The following RBMS2 variants were observed in gnomAD, a reference collection of about 807,000 sequenced individuals.
RBMS2 encodes RNA binding motif single stranded interacting protein 2.
A neutral mutation model predicts 58.4 loss-of-function variants in RBMS2; 38 were observed. The ratio of observed to expected loss-of-function variants is 0.65; its 90% confidence interval spans 0.50 to 0.85. The LOEUF (loss-of-function observed/expected upper bound fraction) is 0.85. Among genes scored for constraint, RBMS2 ranks in the 40% least tolerant of loss-of-function variants. RBMS2 has a pLI of 0.00. For missense variants in RBMS2, 367 were observed against 503.7 expected, an observed-to-expected ratio of 0.73 and a Z score of 2.60; for synonymous variants, 151 against 180.7, an observed-to-expected ratio of 0.84 and a Z score of 1.32.
At chr12:56,529,105 A>G (rs1334083741) in intron 1 of RBMS2, among the ~76,000 whole-genome samples, 1 of 152,166 alleles carries the variant, frequency 6.6e-6, no homozygotes, top group African/African-American at 2.4e-5. Flanking sequence ...AAATGGAAAC[A>G]TATGTTACAC....
intron 3 of RBMS2, among the ~76,000 whole-genome samples, chr12:56,569,512 T>A (rs1021878735): frequency 2.0e-5 from 3 of 152,086 alleles, no homozygotes; most frequent in African/African-American, 7.2e-5. Context: ...AGGTGGCTGG[T>A]GGTCTGCTCT....
intron 1 of RBMS2, 56 bp from the exon 2 acceptor site, chr12:56,562,361 A>G: frequency 1.3e-6 from 2 of 1,489,388 alleles, no homozygotes; most frequent in Non-Finnish European, 1.9e-6. Context: ...GATCTTCCTC[A>G]CTCTCCAACA....
intron 1 of RBMS2, among the ~76,000 whole-genome samples, chr12:56,543,607 C>T (rs1189608775): frequency 6.6e-6 from 1 of 150,576 alleles, no homozygotes; most frequent in South Asian, 2.1e-4. Context: ...CCCGCCTCGG[C>T]CTCCCAAAGT....
At chr12:56,585,118 C>T (rs948245507) in intron 9 of RBMS2, among the ~76,000 whole-genome samples, 8 of 152,112 alleles carry the variant, frequency 5.3e-5, no homozygotes, top group Non-Finnish European at 7.4e-5. Context: ...CCACTGCGCC[C>T]GGCTAAATTT....
intron 1 of RBMS2, among the ~76,000 whole-genome samples, chr12:56,538,013 CTTATT>C (rs1174608895): frequency 9.8e-5 from 13 of 132,848 alleles, no homozygotes; most frequent in South Asian, 2.4e-4. Flanking sequence ...AAGTCCTTTG[CTTATT>C]TTATTTTATT....
chr12:56,536,264 C>G (rs1360150371), intron 1 of RBMS2, among the ~76,000 whole-genome samples: 1 of 149,628 alleles, frequency 6.7e-6, no homozygotes, highest in Non-Finnish European at 1.5e-5. Flanking sequence ...AGGCAGAGTA[C>G]CTGAGGTCAG....
chr12:56,567,888 C>T (rs1367074119), intron 2 of RBMS2, among the ~76,000 whole-genome samples: 1 of 152,064 alleles, frequency 6.6e-6, no homozygotes, highest in Non-Finnish European at 1.5e-5. Context: ...CTCCCTAACA[C>T]TCTCAAATCT....
At chr12:56,554,234 A>G (rs1466134383) in intron 1 of RBMS2, among the ~76,000 whole-genome samples, 3 of 152,116 alleles carry the variant, frequency 2.0e-5, no homozygotes, top group African/African-American at 4.8e-5. Context: ...TGTTTCCCCT[A>G]TCAGCTGTCA....
rs772526682 is a variant in RBMS2, at chr12:56,562,575, G to C, written c.225G>C (p.Leu75=). ...PGTTDQDLVK[L]CQPYGKIVST... ...CTACTGACCAAGATCTTGTCAAGCT[G>C]TGTCAGCCGTAAGTTGGAGTACATG... The change falls in exon 2 of 14, where the codon CTG becomes CTC. Residue 75 remains leucine (L), a synonymous_variant. Transcript: ENST00000262031. The C allele has an allele frequency of 6.2e-7, 1 of 1,613,562 alleles. No individual in the cohort carries two copies. Among genetic ancestry groups the C allele is most frequent in the Non-Finnish European group, 8.5e-7 (1 of 1,179,486 alleles).
In RBMS2 at chr12:56,522,814, G is replaced by C. The variant is rs898729131; in HGVS notation, c.66+725G>C. On this transcript the variant is annotated intron_variant, in intron 1 of 13. Coordinates refer to ENST00000262031, the MANE Select transcript of RBMS2 (RefSeq NM_002898.4). ...GTCCTTGGGCACATGGGGAGAGATG[G>C]ACAATCTTGTCCATATTTGACAAGG... Among the ~76,000 whole-genome samples, 8 of 152,284 alleles carry C rather than the reference G, an allele frequency of 5.3e-5. No homozygotes were observed. In the East Asian group the frequency reaches 9.6e-4, roughly 18 times the overall value.
At chr12:56,560,507 A>G (rs1194672341) in intron 1 of RBMS2, among the ~76,000 whole-genome samples, 2 of 148,260 alleles carry the variant, frequency 1.3e-5, no homozygotes, top group Non-Finnish European at 3.0e-5. Flanking sequence ...ACCCACCTCG[A>G]CCTCCCAAAG....
intron 1 of RBMS2, among the ~76,000 whole-genome samples, chr12:56,534,049 TAATCTAG>T (rs1054780260): frequency 5.3e-5 from 8 of 152,190 alleles, no homozygotes; most frequent in African/African-American, 1.4e-4. Context: ...TGAACCCGGG[TAATCTAG>T]TTCCAAATCT....
At chr12:56,587,989 G>A (rs1884909338) in intron 11 of RBMS2, among the ~76,000 whole-genome samples, 1 of 152,160 alleles carries the variant, frequency 6.6e-6, no homozygotes, top group South Asian at 2.1e-4. Context: ...AGCTCATTAG[G>A]TTTCTTTTAG....
At chr12:56,555,004 T>C (rs1878969161) in intron 1 of RBMS2, among the ~76,000 whole-genome samples, 1 of 151,926 alleles carries the variant, frequency 6.6e-6, no homozygotes, top group African/African-American at 2.4e-5. Context: ...TCCTTGTACA[T>C]ATATATTTGT....
intron 5 of RBMS2, among the ~76,000 whole-genome samples, chr12:56,574,146 A>G (rs1236138797): frequency 1.3e-5 from 2 of 152,270 alleles, no homozygotes; most frequent in East Asian, 3.9e-4. Flanking sequence ...CAGCCAGTCC[A>G]CACAACTTTT....
At chr12:56,546,936 A>G (rs1473628948) in intron 1 of RBMS2, among the ~76,000 whole-genome samples, 1 of 152,154 alleles carries the variant, frequency 6.6e-6, no homozygotes, top group African/African-American at 2.4e-5. Context: ...CCAGTTTCCA[A>G]TTTCTTTACA....
At chr12:56,524,422 CTT>C (rs35748039) in intron 1 of RBMS2, among the ~76,000 whole-genome samples, 85 of 145,204 alleles carry the variant, frequency 5.9e-4, no homozygotes, top group Non-Finnish European at 5.3e-4. Flanking sequence ...TTTATTTTTA[CTT>C]TTTTTTTTTT....
At chr12:56,586,191 G>T (rs1230028233) in intron 9 of RBMS2, among the ~76,000 whole-genome samples, 1 of 152,152 alleles carries the variant, frequency 6.6e-6, no homozygotes, top group African/African-American at 2.4e-5. Flanking sequence ...AATTAGCCGG[G>T]CATGGTGGCG....
At chr12:56,529,711 A>G (rs1292501633) in intron 1 of RBMS2, among the ~76,000 whole-genome samples, 1 of 152,226 alleles carries the variant, frequency 6.6e-6, no homozygotes, top group Non-Finnish European at 1.5e-5. Flanking sequence ...AAGAGACTAC[A>G]TGTTGTATGA....
Sources: gnomAD v4.1 joint callset for allele counts (sites outside exome capture counted in the v4.1 genomes callset) on GRCh38, gnomAD v4.1.1 for gene constraint, MANE v1.5 for transcripts, NCBI Gene and HGNC (gene_info 2026-07-23, HGNC 2026-07-21) for gene names.